ETV1: variants seen among roughly 807,000 people sequenced by gnomAD.
ETV1 encodes ETS variant transcription factor 1, also known as ETS translocation variant 1.
A neutral mutation model predicts 62.3 loss-of-function variants in ETV1; 27 were observed. That is an observed-to-expected ratio of 0.43 (90% CI 0.32 to 0.60). The LOEUF (loss-of-function observed/expected upper bound fraction) is 0.60, where lower values mean the gene tolerates loss of function less well. Ranked by LOEUF, ETV1 falls within the 20% of genes least tolerant of loss-of-function variation. The pLI is 0.06. For synonymous variants in ETV1, 222 were observed against 199.6 expected, an observed-to-expected ratio of 1.11 and a Z score of -0.94; for missense variants, 605 against 605.8, an observed-to-expected ratio of 1.00 and a Z score of 0.01.
chr7:13,947,518 T>C (rs1301928456), intron 6 of ETV1, among the ~76,000 whole-genome samples: 1 of 152,046 alleles, frequency 6.6e-6, no homozygotes, highest in Non-Finnish European at 1.5e-5. Flanking sequence ...ATTTAACAGA[T>C]CTTTTAAAAA....
At chr7:13,984,845 T>C (rs926851386) in intron 5 of ETV1, among the ~76,000 whole-genome samples, 1 of 151,926 alleles carries the variant, frequency 6.6e-6, no homozygotes, top group African/African-American at 2.4e-5. Flanking sequence ...GACTATTCTC[T>C]GCAGAGTTTT....
At chr7:13,956,975 G>A (rs184929421) in intron 6 of ETV1, among the ~76,000 whole-genome samples, 9 of 151,790 alleles carry the variant, frequency 5.9e-5, no homozygotes, top group Admixed American at 5.9e-4. Flanking sequence ...TAAATGAGGA[G>A]GTATATCCAA....
chr7:13,930,939 T>G (rs1003771744), intron 9 of ETV1, among the ~76,000 whole-genome samples: 1 of 152,016 alleles, frequency 6.6e-6, no homozygotes, highest in Non-Finnish European at 1.5e-5. Flanking sequence ...TAGCTGGGAC[T>G]ACAGGCACGT....
At position 13,948,191 on chromosome 7, in the gene ETV1, C is replaced by A. The variant is rs541133877; in HGVS notation, c.236-8945G>T. On this transcript the variant is annotated intron_variant, in intron 6 of 13. Coordinates refer to ENST00000430479, the MANE Select transcript of ETV1 (RefSeq NM_004956.5). ...TGAAGCTTCCCTTATACTCTGATAACCAAAATGTCACAATGATGGAAAGGT... is the reference window on the plus strand; with the variant it reads ...TGAAGCTTCCCTTATACTCTGATAAACAAAATGTCACAATGATGGAAAGGT... Among the ~76,000 whole-genome samples the A allele has an allele frequency of 4.6e-5, 7 of 152,224 alleles. No homozygotes were observed. The East Asian group carries it at 1.4e-3, about 29-fold the overall frequency.
intron 6 of ETV1, among the ~76,000 whole-genome samples, chr7:13,950,505 A>G (rs1228378655): frequency 6.6e-6 from 1 of 152,142 alleles, no homozygotes; most frequent in East Asian, 1.9e-4. Context: ...GGAAGTGATC[A>G]GGTGTCTACA....
At chr7:13,926,085 T>A (rs1785395651) in intron 9 of ETV1, among the ~76,000 whole-genome samples, 1 of 152,202 alleles carries the variant, frequency 6.6e-6, no homozygotes, top group African/African-American at 2.4e-5. Flanking sequence ...TTCAAAAATC[T>A]GACTTCTAAT....
rs988883127 is a variant in ETV1 at position 13,938,778 on chromosome 7, T to C, written c.365+339A>G. 3.3e-5 allele frequency among the ~76,000 whole-genome samples: 5 copies of C among 152,250 alleles called. No homozygotes were observed. The South Asian group carries it at 1.0e-3, about 32-fold the overall frequency. On this transcript the variant is annotated intron_variant, in intron 7 of 13. Coordinates refer to ENST00000430479, the MANE Select transcript of ETV1 (RefSeq NM_004956.5). Reference sequence around the variant, plus strand: ...AGACCTGCCAAATGTTTCATTTTTTTCTGCAAACTCTCTATCTAAAGTGTA... The same window carrying C: ...AGACCTGCCAAATGTTTCATTTTTTCCTGCAAACTCTCTATCTAAAGTGTA...
chr7:13,990,556 A>C (rs1782956569), upstream of ETV1: 1 of 152,238 alleles, frequency 6.6e-6, no homozygotes, highest in Admixed American at 6.6e-5. Context: ...CACTTACTGT[A>C]CTTGACGCTT....
chr7:13,942,504 C>T (rs1310448972), intron 6 of ETV1, among the ~76,000 whole-genome samples: 2 of 152,034 alleles, frequency 1.3e-5, no homozygotes, highest in African/African-American at 4.8e-5. Context: ...TATTTCATCA[C>T]CCAGATACTA....
chr7:13,975,373 C>A (rs1485752777), intron 6 of ETV1, among the ~76,000 whole-genome samples: 2 of 151,834 alleles, frequency 1.3e-5, no homozygotes, highest in Non-Finnish European at 2.9e-5. Context: ...AGTGAAACCC[C>A]AACTCTACTA....
At position 13,939,459 on chromosome 7, in the gene ETV1, C is replaced by T. The variant is rs908157535; in HGVS notation, c.236-213G>A. ...CCTTTATTGTGTAACAAAATGCATG[C>T]TTGAATTTTCTCTCATTACTTAAGT... is the stretch of plus-strand genomic sequence containing the variant. On this transcript the variant is annotated intron_variant, in intron 6 of 13. Coordinates refer to ENST00000430479, the MANE Select transcript of ETV1 (RefSeq NM_004956.5). 3.9e-5 allele frequency among the ~76,000 whole-genome samples: 6 copies of T among 152,148 alleles called. No individual in the cohort carries two copies. The East Asian group carries it at 9.6e-4, about 24-fold the overall frequency.
chr7:13,976,437 G>C (rs1781460312), intron 6 of ETV1, among the ~76,000 whole-genome samples: 1 of 152,142 alleles, frequency 6.6e-6, no homozygotes, highest in Non-Finnish European at 1.5e-5. Context: ...ACATGTTAGA[G>C]AATCTGGACA....
chr7:13,917,821 G>A (rs1035860527), intron 9 of ETV1, among the ~76,000 whole-genome samples: 3 of 151,874 alleles, frequency 2.0e-5, no homozygotes, highest in South Asian at 2.1e-4. Flanking sequence ...AAAATTAGCC[G>A]GGCGTGGTGG....
intron 5 of ETV1, among the ~76,000 whole-genome samples, chr7:13,982,047 C>G (rs959136531): frequency 1.3e-5 from 2 of 152,040 alleles, no homozygotes; most frequent in Admixed American, 1.3e-4. Flanking sequence ...AGGCAACTTT[C>G]CAATGACAAA....
intron 6 of ETV1, among the ~76,000 whole-genome samples, chr7:13,975,499 C>T (rs1781341302): frequency 7.0e-6 from 1 of 143,700 alleles, no homozygotes; most frequent in Non-Finnish European, 1.5e-5. Flanking sequence ...GGAGGTGGAG[C>T]TTGCAGTGAG....
At chr7:13,964,152 AAGG>A (rs1311776170) in intron 6 of ETV1, among the ~76,000 whole-genome samples, 1 of 152,152 alleles carries the variant, frequency 6.6e-6, no homozygotes, top group African/African-American at 2.4e-5. Flanking sequence ...TCAACATAAT[AAGG>A]CTGTTGTGTT....
At chr7:13,937,507 G>A (rs933109053) in intron 7 of ETV1, among the ~76,000 whole-genome samples, 2 of 152,208 alleles carry the variant, frequency 1.3e-5, no homozygotes, top group South Asian at 4.1e-4. Flanking sequence ...AAAATATTCA[G>A]GCAATTCCTT....
At chr7:13,908,396 A>G (rs895030713) in intron 11 of ETV1, among the ~76,000 whole-genome samples, 1 of 152,138 alleles carries the variant, frequency 6.6e-6, no homozygotes, top group African/African-American at 2.4e-5. Context: ...GAAGCTCACC[A>G]AACACGAAAG....
chr7:13,978,178 A>G (rs1781638423), intron 5 of ETV1, among the ~76,000 whole-genome samples: 2 of 152,198 alleles, frequency 1.3e-5, no homozygotes, highest in Non-Finnish European at 2.9e-5. Flanking sequence ...AACAAAAAGA[A>G]TATCACTAGT....
Sources: gnomAD v4.1 joint callset for allele counts (sites outside exome capture counted in the v4.1 genomes callset) on GRCh38, gnomAD v4.1.1 for gene constraint, MANE v1.5 for transcripts, NCBI Gene and HGNC (gene_info 2026-07-23, HGNC 2026-07-21) for gene names.